Variants in TNFAIP8L1 observed in about 807,000 individuals in gnomAD.
The protein encoded by TNFAIP8L1 is TNF alpha induced protein 8 like 1.
For missense variants in TNFAIP8L1, 225 were observed against 266.1 expected (o/e 0.85, Z 1.08); for synonymous variants, 127 against 125.6 (o/e 1.01, Z -0.08).
At position 4,652,650 on chromosome 19, in the gene TNFAIP8L1, T is replaced by C. The variant is rs1031369882; in HGVS notation, c.*220T>C. The stretch of plus-strand genomic sequence containing the variant: ...ACCTCTCCTCCTGGCCCCCGCCCAA[T>C]GGGGAGAGGAATTTGGGGCCCTACT... On this transcript the variant is annotated 3_prime_UTR_variant, in exon 2 of 2. Coordinates refer to ENST00000327473, the MANE Select transcript of TNFAIP8L1 (RefSeq NM_152362.3). 5.9e-6 allele frequency: 3 copies of C among 512,624 alleles called. No homozygotes were observed. The highest frequency in any genetic ancestry group is 4.0e-5 in the South Asian group (1 of 25,010). 31.8% of individuals were successfully genotyped at this position (512,624 alleles called of 1,614,324 possible). A position where few individuals can be genotyped will look rare whatever the true frequency, so the allele number is the denominator to read the frequency against.
intron 1 of TNFAIP8L1, among the ~76,000 whole-genome samples, chr19:4,648,098 C>T (rs540972873): frequency 2.4e-4 from 37 of 152,322 alleles, no homozygotes; most frequent in African/African-American, 8.4e-4. Flanking sequence ...AGGCACAGGT[C>T]GCTGGCTCAG....
rs1036151956 is a variant in TNFAIP8L1, at chr19:4,645,671, A to G, written c.-4+6042A>G. Among the ~76,000 whole-genome samples the G allele has an allele frequency of 1.3e-5, 2 of 151,328 alleles. No homozygotes were observed. Among genetic ancestry groups the G allele is most frequent in the African/African-American group, 4.9e-5 (2 of 41,156 alleles). On this transcript the variant is annotated intron_variant, in intron 1 of 1. Coordinates refer to ENST00000327473, the MANE Select transcript of TNFAIP8L1 (RefSeq NM_152362.3). This position sits in a 1 kb window ranked among gnomAD's most constrained non-coding sequence, Gnocchi z 4.1. ...GGTGGTAGCTCACACCTGTAGTCCC[A>G]GCACTTTGGGAGGCTGAGGCAGGAG...
rs1286826168 is a variant in TNFAIP8L1 at position 4,651,689 on chromosome 19, C to T, written c.-3-178C>T. 3.3e-5 allele frequency among the ~76,000 whole-genome samples: 5 copies of T among 152,208 alleles called. No homozygotes were observed. The East Asian group carries it at 9.6e-4, about 29-fold the overall frequency. ...ACTCCTAACCTCGATCTCAGGCGAT[C>T]CGCCTGCCTAGGCATCCCAAATTGC... On this transcript the variant is annotated intron_variant, in intron 1 of 1. Transcript: ENST00000327473.
intron 1 of TNFAIP8L1, among the ~76,000 whole-genome samples, chr19:4,647,772 G>A (rs1568281325): frequency 6.6e-6 from 1 of 151,706 alleles, no homozygotes. Flanking sequence ...ACAGACCCGT[G>A]CCACCATGCC....
At chr19:4,647,360 G>C (rs990264431) in intron 1 of TNFAIP8L1, among the ~76,000 whole-genome samples, 8 of 151,900 alleles carry the variant, frequency 5.3e-5, no homozygotes, top group African/African-American at 1.9e-4. Flanking sequence ...TATCACCCAG[G>C]CTGGAGACCT....
At chr19:4,644,893 G>A (rs115151038) in intron 1 of TNFAIP8L1, among the ~76,000 whole-genome samples, 2,220 of 152,164 alleles carry the variant, frequency 0.015, 55 homozygotes, top group African/African-American at 0.047. Flanking sequence ...GAGCCACCAC[G>A]CCCAGCCTGT....
chr19:4,652,343 G>A lies in TNFAIP8L1; in HGVS notation c.474G>A (p.Ala158=), dbSNP rs2088376867. 3.2e-6 allele frequency: 5 copies of A among 1,552,306 alleles called. No homozygotes were observed. Among genetic ancestry groups the A allele is most frequent in the Non-Finnish European group, 4.3e-6 (5 of 1,150,728 alleles). The change falls in exon 2 of 2, where the codon GCG becomes GCA. Residue 158 remains alanine, a synonymous_variant. Transcript: ENST00000327473. ...GHLADCDFLA[A]LYGPAEPYRS... is the part of the protein sequence containing the mutation. ...TAGCCGACTGCGACTTCCTGGCTGC[G>A]CTCTACGGCCCCGCCGAGCCCTACC...
chr19:4,652,463 CT>C lies in TNFAIP8L1; in HGVS notation c.*37del. On this transcript the variant is annotated 3_prime_UTR_variant, in exon 2 of 2. Transcript: ENST00000327473. ...CGCCGCCCAACCGCGCCCCTCGCGC[CT>C]TTTGGGGCTCTCCTGCTGGGCGCGG... 1 of 1,474,570 alleles carries C rather than the reference CT, an allele frequency of 6.8e-7. No homozygotes were observed. The allele number at this position is 1,474,570 out of a possible 1,614,324, so 91.3% of individuals were successfully genotyped here.
At position 4,652,774 on chromosome 19, in the gene TNFAIP8L1, T is replaced by C. The variant is rs28564725; in HGVS notation, c.*344T>C. On this transcript the variant is annotated 3_prime_UTR_variant, in exon 2 of 2. Coordinates refer to ENST00000327473, the MANE Select transcript of TNFAIP8L1 (RefSeq NM_152362.3). ...AAGCTGCTGCCTCCCACTTGGATCA[T>C]GTCGCCTGGGATTTTCATCCCTCGC... 7.1e-3 allele frequency: 2,032 copies of C among 284,268 alleles called. 41 individuals carry two copies. Among genetic ancestry groups the C allele is most frequent in the African/African-American group, 0.041 (1,877 of 45,418 alleles). 17.6% of individuals were successfully genotyped at this position (284,268 alleles called of 1,614,324 possible).
chr19:4,648,867 A>G (rs2088335846), intron 1 of TNFAIP8L1, among the ~76,000 whole-genome samples: 1 of 151,440 alleles, frequency 6.6e-6, no homozygotes, highest in Non-Finnish European at 1.5e-5. Context: ...TTCATCTATG[A>G]ACTGGGGAGG....
intron 1 of TNFAIP8L1, among the ~76,000 whole-genome samples, chr19:4,648,780 C>T (rs2088334980): frequency 6.6e-6 from 1 of 152,162 alleles, no homozygotes; most frequent in African/African-American, 2.4e-5. Context: ...GATGTGGGCT[C>T]CAGGGCCGAT....
chr19:4,640,801 A>C (rs531524870), intron 1 of TNFAIP8L1: 1 of 152,448 alleles, frequency 6.6e-6, no homozygotes, highest in African/African-American at 2.4e-5. Flanking sequence ...CGAGGGCGCC[A>C]ACTTTGAAAC....
At chr19:4,648,534 A>T (rs1466373656) in intron 1 of TNFAIP8L1, among the ~76,000 whole-genome samples, 1 of 152,056 alleles carries the variant, frequency 6.6e-6, no homozygotes, top group African/African-American at 2.4e-5. Flanking sequence ...CCGTCTTAGG[A>T]GTGTGGGGGC....
Position 4,645,318 on chromosome 19 carries a change from C to T in TNFAIP8L1, c.-4+5689C>T, listed in dbSNP as rs1364055260. ...ATCCCAGCAGTTTGGGAGGCCGAGG[C>T]GAGTAGATCACTTGAGGCCGGGAGT... On this transcript the variant is annotated intron_variant, in intron 1 of 1. Coordinates refer to ENST00000327473, the MANE Select transcript of TNFAIP8L1 (RefSeq NM_152362.3). This position sits in a 1 kb window ranked among gnomAD's most constrained non-coding sequence, Gnocchi z 4.1. Among the ~76,000 whole-genome samples, 2 of 151,164 alleles carry T rather than the reference C, an allele frequency of 1.3e-5. No individual in the cohort carries two copies. The highest frequency in any genetic ancestry group is 2.9e-5 in the Non-Finnish European group (2 of 67,934).
chr19:4,652,247 G>C lies in TNFAIP8L1; in HGVS notation c.378G>C (p.Leu126=), dbSNP rs777967655. ...LAAGLLECRD[L]LHQAVGPHLT... is the part of the protein sequence containing the mutation. ...CCGGGCTGCTCGAGTGCCGCGACCT[G>C]CTGCACCAGGCCGTGGGTCCCCACC... Residue 126 remains leucine, a synonymous_variant, in exon 2 of 2, where the codon CTG becomes CTC. Transcript: ENST00000327473. The C allele has an allele frequency of 1.2e-5, 19 of 1,556,648 alleles. No individual in the cohort carries two copies. The highest frequency in any genetic ancestry group is 2.3e-5 in the South Asian group (2 of 85,582).
At chr19:4,647,258 G>A (rs1184461478) in intron 1 of TNFAIP8L1, among the ~76,000 whole-genome samples, 1 of 152,124 alleles carries the variant, frequency 6.6e-6, no homozygotes, top group African/African-American at 2.4e-5. Context: ...GAATTGCTGG[G>A]TCCTATGGTA....
At chr19:4,651,829 A>G (rs1398308427) in intron 1 of TNFAIP8L1, 38 bp from the exon 2 acceptor site, 5 of 1,547,646 alleles carry the variant, frequency 3.2e-6, no homozygotes, top group Non-Finnish European at 4.4e-6. Context: ...GGAGTGCCCC[A>G]ACGTGCAAAA....
Position 4,641,268 on chromosome 19 carries a change from GTCTGTCC to G in TNFAIP8L1, c.-4+1640_-4+1646del, listed in dbSNP as rs2088258561. 1 of 152,184 alleles carries G rather than the reference GTCTGTCC, an allele frequency of 6.6e-6. No homozygotes were observed. Among genetic ancestry groups the G allele is most frequent in the Non-Finnish European group, 1.5e-5 (1 of 68,066 alleles). 9.4% of individuals were successfully genotyped at this position (152,184 alleles called of 1,614,324 possible). A position where few individuals can be genotyped will look rare whatever the true frequency, so the allele number is the denominator to read the frequency against. On this transcript the variant is annotated intron_variant, in intron 1 of 1. Coordinates refer to ENST00000327473, the MANE Select transcript of TNFAIP8L1 (RefSeq NM_152362.3). This position sits in a 1 kb window ranked among gnomAD's most constrained non-coding sequence, Gnocchi z 4.6. The stretch of plus-strand genomic sequence containing the variant: ...GGGTTCCGGAGGCCTCAGTGTCCCT[GTCTGTCC>G]AATGGGGCCACGAAAGGGTGCCTTG...
At chr19:4,647,710 CTCG>C (rs2088325282) in intron 1 of TNFAIP8L1, among the ~76,000 whole-genome samples, 1 of 149,980 alleles carries the variant, frequency 6.7e-6, no homozygotes, top group Non-Finnish European at 1.5e-5. Flanking sequence ...CAGCCTTGAC[CTCG>C]TGGGCTCAAG....
Sources: gnomAD v4.1 joint callset for allele counts (sites outside exome capture counted in the v4.1 genomes callset) on GRCh38, gnomAD v4.1.1 for gene constraint, Gnocchi (gnomAD v3.1) non-coding constraint, MANE v1.5 for transcripts, NCBI Gene and HGNC (gene_info 2026-07-23, HGNC 2026-07-21) for gene names.